PCDHGB1: variants seen among roughly 807,000 people sequenced by gnomAD.
PCDHGB1 encodes the protein protocadherin gamma subfamily B, 1.
PCDHGB1 carries 34 observed loss-of-function variants against 56.6 expected under a neutral mutation model. That is an observed-to-expected ratio of 0.60 (90% CI 0.46 to 0.80). PCDHGB1 has a LOEUF of 0.80. Among genes scored for constraint, PCDHGB1 ranks in the 30% least tolerant of loss-of-function variants. PCDHGB1 has a pLI of 0.00. For synonymous variants in PCDHGB1, 561 were observed against 505.9 expected, an observed-to-expected ratio of 1.11 and a Z score of -1.46; for missense variants, 1,278 against 1,204.6, an observed-to-expected ratio of 1.06 and a Z score of -0.90.
intron 1 of PCDHGB1, among the ~76,000 whole-genome samples, chr5:141,433,940 T>C (rs1315031506): frequency 6.6e-6 from 1 of 152,192 alleles, no homozygotes; most frequent in African/African-American, 2.4e-5. Flanking sequence ...TATAATTCCA[T>C]TGTTTCTTCT....
chr5:141,404,455 C>T, intron 1 of PCDHGB1: 1 of 1,611,994 alleles, frequency 6.2e-7, no homozygotes, highest in Non-Finnish European at 8.5e-7. Context: ...GGTCTCCTCT[C>T]TCCACCTATG....
In PCDHGB1 at chr5:141,487,818, G is replaced by A. The variant is rs1009237001; in HGVS notation, c.2410-6989G>A. On this transcript the variant is annotated intron_variant, in intron 1 of 3. Coordinates refer to ENST00000523390, the MANE Select transcript of PCDHGB1 (RefSeq NM_018922.3). This position sits in a 1 kb window ranked among gnomAD's most constrained non-coding sequence, Gnocchi z 5.0. ...GAGTTGTCACAGTTTAGCATTGGGG[G>A]CGGGTCATGCCTATATCTGAGTAAG... The A allele has an allele frequency of 1.2e-4, 158 of 1,331,596 alleles. No homozygotes were observed. The highest frequency in any genetic ancestry group is 1.4e-4 in the Non-Finnish European group (140 of 970,524). 82.5% of individuals were successfully genotyped at this position (1,331,596 alleles called of 1,614,324 possible). A position where few individuals can be genotyped will look rare whatever the true frequency, so the allele number is the denominator to read the frequency against.
intron 1 of PCDHGB1, chr5:141,366,971 C>T (rs1764884067): frequency 3.5e-6 from 2 of 572,978 alleles, no homozygotes; most frequent in Admixed American, 7.6e-5. Flanking sequence ...GAAACAAATA[C>T]CTTAAAGGAA....
At chr5:141,473,907 C>A (rs552055360) in intron 1 of PCDHGB1, among the ~76,000 whole-genome samples, 1 of 152,102 alleles carries the variant, frequency 6.6e-6, no homozygotes. Flanking sequence ...ATGAAGAGGT[C>A]TTAAGAAAAC....
At chr5:141,354,146 G>A in intron 1 of PCDHGB1, among the ~76,000 whole-genome samples, 1 of 152,182 alleles carries the variant, frequency 6.6e-6, no homozygotes, top group Admixed American at 6.5e-5. Context: ...AATACTGAAT[G>A]TGTCATGTGA....
At chr5:141,498,551 C>T (rs749191535) in intron 2 of PCDHGB1, among the ~76,000 whole-genome samples, 2 of 151,950 alleles carry the variant, frequency 1.3e-5, no homozygotes, top group Non-Finnish European at 2.9e-5. Context: ...GTCAGACACA[C>T]CAGCTTCAAA....
intron 1 of PCDHGB1, among the ~76,000 whole-genome samples, chr5:141,456,379 C>A (rs181915740): frequency 1.3e-5 from 2 of 152,162 alleles, no homozygotes; most frequent in East Asian, 3.9e-4. Context: ...GTTTACAGCA[C>A]CGTTTGGAGT....
intron 1 of PCDHGB1, chr5:141,423,505 C>G: frequency 6.2e-7 from 1 of 1,613,932 alleles, no homozygotes; most frequent in Non-Finnish European, 8.5e-7. Context: ...CGAGGTCTCT[C>G]TCATTGCGGA....
chr5:141,431,237 C>A lies in PCDHGB1; in HGVS notation c.2410-63570C>A. 1 of 1,614,170 alleles carries A rather than the reference C, an allele frequency of 6.2e-7. No homozygotes were observed. Among genetic ancestry groups the A allele is most frequent in the Non-Finnish European group, 8.5e-7 (1 of 1,180,044 alleles). The stretch of plus-strand genomic sequence containing the variant: ...GTTCCCTCTACCCCACGCCTGGGAT[C>A]CGGATATCGGGAAGAACTCTCTGCA... On this transcript the variant is annotated intron_variant, in intron 1 of 3. Transcript: ENST00000523390. The surrounding 1 kb of genome is among the most constrained non-coding windows in gnomAD (Gnocchi z 4.8).
intron 1 of PCDHGB1, chr5:141,366,682 C>A: frequency 6.2e-7 from 1 of 1,614,238 alleles, no homozygotes; most frequent in Non-Finnish European, 8.5e-7. Flanking sequence ...GTGAAGAGAG[C>A]TGTGAGAAAA....
chr5:141,400,656 A>G (rs72790034), intron 1 of PCDHGB1: 33,230 of 1,084,006 alleles, frequency 0.031, 658 homozygotes, highest in East Asian at 0.041. Context: ...CTGTCCTACC[A>G]TTCTTTAAGA....
At chr5:141,366,240 C>T (rs750277167) in intron 1 of PCDHGB1, 11 of 1,613,680 alleles carry the variant, frequency 6.8e-6, no homozygotes, top group African/African-American at 5.3e-5. Flanking sequence ...GACAGAGACG[C>T]GCTCAAGCAG....
chr5:141,409,055 G>A lies in PCDHGB1; in HGVS notation c.2409+56386G>A, dbSNP rs141881204. The A allele has an allele frequency of 7.2e-5, 117 of 1,614,038 alleles. No individual in the cohort carries two copies. Among genetic ancestry groups the A allele is most frequent in the Admixed American group, 5.0e-4 (30 of 60,032 alleles). On this transcript the variant is annotated intron_variant, in intron 1 of 3. Coordinates refer to ENST00000523390, the MANE Select transcript of PCDHGB1 (RefSeq NM_018922.3). ...GATAAACTACTACTTCCGAAGCACT[G>A]CCCAGAGCACAAAACATATGTTCTC...
At position 141,428,173 on chromosome 5, in the gene PCDHGB1, C is replaced by T. The variant is rs192741775; in HGVS notation, c.2410-66634C>T. The T allele has an allele frequency of 3.3e-6, 5 of 1,514,730 alleles. No homozygotes were observed. In the East Asian group the frequency reaches 9.1e-5, roughly 28 times the overall value. 93.8% of individuals were successfully genotyped at this position (1,514,730 alleles called of 1,614,324 possible). A position where few individuals can be genotyped will look rare whatever the true frequency, so the allele number is the denominator to read the frequency against. On this transcript the variant is annotated intron_variant, in intron 1 of 3. Transcript: ENST00000523390. ...GGAACCTGCTGGTTGCTGTGCGTGA[C>T]GGAGGACAGCCGCCGCTCTCTGCGC... is the stretch of plus-strand genomic sequence containing the variant.
At chr5:141,500,618 C>A (rs554274946) in intron 2 of PCDHGB1, among the ~76,000 whole-genome samples, 27 of 152,260 alleles carry the variant, frequency 1.8e-4, no homozygotes, top group African/African-American at 6.5e-4. Context: ...CCCAGTCATA[C>A]GGTACATTTC....
chr5:141,475,980 C>G (rs758066578), intron 1 of PCDHGB1: 3 of 1,028,500 alleles, frequency 2.9e-6, no homozygotes, highest in Admixed American at 2.4e-5. Context: ...ACTGAACAGC[C>G]GGCGAGCAAA....
intron 1 of PCDHGB1, among the ~76,000 whole-genome samples, chr5:141,445,554 C>T (rs898901856): frequency 3.3e-5 from 5 of 152,102 alleles, no homozygotes; most frequent in African/African-American, 1.2e-4. Context: ...TACAAAAGCA[C>T]TAAGAGAAAG....
chr5:141,374,116 C>T (rs1328761924), intron 1 of PCDHGB1: 2 of 1,580,576 alleles, frequency 1.3e-6, no homozygotes, highest in Non-Finnish European at 1.7e-6. Flanking sequence ...CGCAGCGCAG[C>T]GAGCAGGTCC....
At position 141,510,842 on chromosome 5, in the gene PCDHGB1, G is replaced by A. The variant is rs531098325; in HGVS notation, c.2558-105G>A. 8.7e-5 allele frequency: 138 copies of A among 1,590,280 alleles called. No homozygotes were observed. The African/African-American group carries it at 1.7e-3, about 19-fold the overall frequency. ...TATTCCCAGTGCTCAGCGTGGTCAA[G>A]GCCCAGGGTGCTGTATAGGCATTCA... On this transcript the variant is annotated intron_variant, in intron 3 of 3. Coordinates refer to ENST00000523390, the MANE Select transcript of PCDHGB1 (RefSeq NM_018922.3).
Sources: gnomAD v4.1 joint callset for allele counts (sites outside exome capture counted in the v4.1 genomes callset) on GRCh38, gnomAD v4.1.1 for gene constraint, Gnocchi (gnomAD v3.1) non-coding constraint, MANE v1.5 for transcripts, NCBI Gene and HGNC (gene_info 2026-07-23, HGNC 2026-07-21) for gene names.